Variants in PDE1C observed in about 807,000 individuals in gnomAD.
PDE1C encodes the protein phosphodiesterase 1C.
In PDE1C, 62 loss-of-function variants were observed where a neutral mutation model predicts 93.1. The ratio of observed to expected loss-of-function variants is 0.67; its 90% CI spans 0.54 to 0.82. The LOEUF (loss-of-function observed/expected upper bound fraction) is 0.82. PDE1C is among the 40% of genes least tolerant of loss of function. The pLI, the probability that PDE1C is intolerant of heterozygous loss-of-function variation, is 0.00. For synonymous variants in PDE1C, 325 were observed against 310.1 expected (o/e 1.05, Z -0.50); for missense variants, 742 against 884.6 (o/e 0.84, Z 2.04).
At chr7:31,823,284 T>C in intron 13 of PDE1C, 36 bp from the exon 14 acceptor site, 3 of 1,570,220 alleles carry the variant, frequency 1.9e-6, no homozygotes, top group Non-Finnish European at 2.6e-6. Context: ...AGAAGAGAGT[T>C]AGTGTTTGGA....
chr7:31,987,477 C>G (rs542539413), intron 2 of PDE1C, among the ~76,000 whole-genome samples: 1 of 152,094 alleles, frequency 6.6e-6, no homozygotes, highest in East Asian at 1.9e-4. Flanking sequence ...TAAAGGAAAC[C>G]ACCCACAAGC....
chr7:32,388,998 T>A (rs1784694747), intron 1 of PDE1C, among the ~76,000 whole-genome samples: 1 of 152,072 alleles, frequency 6.6e-6, no homozygotes, highest in Admixed American at 6.5e-5. Flanking sequence ...CAAAAGAAAA[T>A]CACAGCTAAA....
At chr7:32,015,868 A>G (rs530108192) in intron 2 of PDE1C, among the ~76,000 whole-genome samples, 1 of 152,300 alleles carries the variant, frequency 6.6e-6, no homozygotes, top group East Asian at 1.9e-4. Flanking sequence ...TCTCACTGAG[A>G]ATCAATGAGA....
the PDE1C span, chr7:31,652,104 T>A: frequency 8.1e-7 from 1 of 1,230,472 alleles, no homozygotes; most frequent in Non-Finnish European, 1.2e-6. Flanking sequence ...ACAGGAGAGG[T>A]GCATTAAATG....
the PDE1C span, among the ~76,000 whole-genome samples, chr7:31,743,556 A>AGTGTGTG: frequency 6.8e-6 from 1 of 147,930 alleles, no homozygotes; most frequent in African/African-American, 2.5e-5. Context: ...TGGAGGATGC[A>AGTGTGTG]GTGTGTGTGT....
rs769479742 is a variant in PDE1C at position 31,828,316 on chromosome 7, T to C, written c.1261A>G (p.Thr421Ala). Residue 421 changes from threonine to alanine, a missense_variant, in exon 12 of 18, where the codon ACT becomes GCT. This residue lies in a region of PDE1C where 454 missense variants were observed against 459.4 expected (regional missense o/e 0.99). Coordinates refer to ENST00000396191, the MANE Select transcript of PDE1C (RefSeq NM_001191057.4). ...CCTACTTGTGACTGAGCAACCATAG[T>C]GGACTTTCGGTCACACAGAGGAGAA... Reference protein sequence around the residue: ...PFSPLCDRKSTMVAQSQVGFI... With the variant: ...PFSPLCDRKSAMVAQSQVGFI... 1 of 1,612,520 alleles carries C rather than the reference T, an allele frequency of 6.2e-7. No homozygotes were observed. The highest frequency in any genetic ancestry group is 8.5e-7 in the Non-Finnish European group (1 of 1,178,922).
chr7:31,856,841 C>T (rs906011942), intron 7 of PDE1C, among the ~76,000 whole-genome samples: 1 of 152,144 alleles, frequency 6.6e-6, no homozygotes, highest in African/African-American at 2.4e-5. Context: ...GTGGCTTAAA[C>T]AACGGAAATT....
chr7:32,418,519 T>C (rs1004471969), intron 1 of PDE1C, among the ~76,000 whole-genome samples: 2 of 152,192 alleles, frequency 1.3e-5, no homozygotes, highest in African/African-American at 2.4e-5. Context: ...ACTTTTTCAA[T>C]CATTAAAAAA....
intron 3 of PDE1C, among the ~76,000 whole-genome samples, chr7:32,161,506 G>A (rs544602954): frequency 4.0e-4 from 61 of 152,202 alleles, no homozygotes; most frequent in African/African-American, 7.2e-4. Flanking sequence ...AACTGGAGAC[G>A]AGAAGTGCAT....
chr7:32,389,621 C>T (rs1205630116), intron 1 of PDE1C, among the ~76,000 whole-genome samples: 1 of 152,210 alleles, frequency 6.6e-6, no homozygotes, highest in Non-Finnish European at 1.5e-5. Context: ...GTTGCATACT[C>T]ACAGACCTGG....
intron 9 of PDE1C, among the ~76,000 whole-genome samples, chr7:31,845,721 T>C (rs1001286172): frequency 1.3e-5 from 2 of 152,168 alleles, no homozygotes; most frequent in Non-Finnish European, 2.9e-5. Flanking sequence ...CCAGGCACAG[T>C]GGCTCATGCC....
At chr7:32,130,022 G>A (rs942155073) in intron 3 of PDE1C, among the ~76,000 whole-genome samples, 2 of 151,942 alleles carry the variant, frequency 1.3e-5, no homozygotes, top group Non-Finnish European at 2.9e-5. Context: ...CAATAATAGT[G>A]GAAACATATT....
intron 3 of PDE1C, among the ~76,000 whole-genome samples, chr7:32,151,311 TCAC>T: frequency 6.6e-6 from 1 of 152,302 alleles, no homozygotes; most frequent in African/African-American, 2.4e-5. Flanking sequence ...TCAATTCCCT[TCAC>T]TCCATAGTTA....
At chr7:32,169,528 C>T (rs997204793) in intron 3 of PDE1C, among the ~76,000 whole-genome samples, 1 of 152,150 alleles carries the variant, frequency 6.6e-6, no homozygotes, top group East Asian at 1.9e-4. Flanking sequence ...ATCAGTAAAT[C>T]CTCTACCTCA....
intron 16 of PDE1C, chr7:31,789,827 T>A (rs1385726460): frequency 2.0e-6 from 2 of 1,002,110 alleles, no homozygotes; most frequent in Non-Finnish European, 2.4e-6. Context: ...GCATTGACAG[T>A]CATAAAATGG....
intron 3 of PDE1C, among the ~76,000 whole-genome samples, chr7:32,092,170 A>AGC (rs1179221317): frequency 6.6e-6 from 1 of 151,266 alleles, no homozygotes; most frequent in African/African-American, 2.4e-5. Context: ...TTCATGAGAG[A>AGC]GAGAGAGAGA....
the PDE1C span, chr7:31,697,057 G>A: frequency 6.2e-7 from 1 of 1,614,096 alleles, no homozygotes; most frequent in Non-Finnish European, 8.5e-7. Flanking sequence ...CACTGACCTG[G>A]AACAGAAAAA....
intron 1 of PDE1C, among the ~76,000 whole-genome samples, chr7:32,415,161 A>C (rs1785248261): frequency 1.3e-5 from 2 of 152,148 alleles, no homozygotes; most frequent in Admixed American, 1.3e-4. Context: ...CTACAAATAA[A>C]TAAATATGGT....
At chr7:32,273,956 A>G (rs1811128760) in intron 1 of PDE1C, among the ~76,000 whole-genome samples, 1 of 152,234 alleles carries the variant, frequency 6.6e-6, no homozygotes, top group Non-Finnish European at 1.5e-5. Context: ...AGAGATCTCA[A>G]AGCATGACTT....
Sources: allele counts gnomAD v4.1 joint callset (sites outside exome capture counted in the v4.1 genomes callset), GRCh38; gene constraint gnomAD v4.1.1; regional missense constraint gnomAD v4.1.1; transcripts MANE v1.5; gene names NCBI Gene and HGNC (gene_info 2026-07-23, HGNC 2026-07-21).